PTPRT: variants seen among roughly 807,000 people sequenced by gnomAD.
PTPRT encodes protein tyrosine phosphatase receptor type T.
PTPRT carries 56 observed loss-of-function variants against 176.8 expected under a neutral mutation model. The observed-to-expected ratio is 0.32, with a 90% CI of 0.26 to 0.40. PTPRT has a LOEUF of 0.40. Among genes scored for constraint, PTPRT ranks in the 10% least tolerant of loss-of-function variants. The pLI, the probability that PTPRT is intolerant of heterozygous loss-of-function variation, is 1.00. For synonymous variants in PTPRT, 783 were observed against 739.0 expected (o/e 1.06, Z -0.96); for missense variants, 1,540 against 1,908.2 (o/e 0.81, Z 3.60).
intron 1 of PTPRT, among the ~76,000 whole-genome samples, chr20:43,048,274 G>T (rs1380294586): frequency 6.6e-6 from 1 of 152,150 alleles, no homozygotes; most frequent in Non-Finnish European, 1.5e-5. Flanking sequence ...GCAGATATAT[G>T]GAAGAGGCTG....
At chr20:42,239,929 G>C (rs1056228797) in intron 14 of PTPRT, among the ~76,000 whole-genome samples, 1 of 152,182 alleles carries the variant, frequency 6.6e-6, no homozygotes, top group African/African-American at 2.4e-5. Flanking sequence ...CTAGGTCAAA[G>C]GCTTTGTGTA....
intron 1 of PTPRT, among the ~76,000 whole-genome samples, chr20:43,075,264 C>T (rs2011245376): frequency 6.6e-6 from 1 of 152,244 alleles, no homozygotes; most frequent in Admixed American, 6.5e-5. Context: ...TAGAAGGTAG[C>T]GTTGCATGGC....
chr20:42,183,712 A>G (rs1735693747), intron 16 of PTPRT, among the ~76,000 whole-genome samples: 2 of 152,128 alleles, frequency 1.3e-5, no homozygotes, highest in African/African-American at 4.8e-5. Flanking sequence ...TCCTATATGC[A>G]TATGCCATTT....
chr20:42,671,666 A>G (rs1206274409), intron 7 of PTPRT, among the ~76,000 whole-genome samples: 2 of 152,218 alleles, frequency 1.3e-5, no homozygotes, highest in African/African-American at 4.8e-5. Flanking sequence ...AATAGCAGCA[A>G]CCAATAACAC....
intron 1 of PTPRT, among the ~76,000 whole-genome samples, chr20:43,035,165 T>A (rs943960749): frequency 2.6e-5 from 4 of 151,998 alleles, no homozygotes; most frequent in African/African-American, 7.2e-5. Context: ...CCCCAGCCCC[T>A]CAGCAGTCCA....
At chr20:42,157,633 A>C (rs1049960351) in intron 17 of PTPRT, among the ~76,000 whole-genome samples, 1 of 150,202 alleles carries the variant, frequency 6.7e-6, no homozygotes, top group Non-Finnish European at 1.5e-5. Flanking sequence ...TTCCCCCCCC[A>C]ATATTTCTTG....
At chr20:42,510,883 C>T (rs949177100) in intron 7 of PTPRT, among the ~76,000 whole-genome samples, 2 of 152,146 alleles carry the variant, frequency 1.3e-5, no homozygotes, top group Non-Finnish European at 2.9e-5. Context: ...GTTTGAATGG[C>T]CCCTCCAAAA....
rs375365401 is a variant in PTPRT, at chr20:42,897,692, A to G, written c.89-11760T>C. Reference sequence around the variant, plus strand: ...ACAGAACAAGGTAGCAGTTAAAGCTATGAACTCCAGAGCCAGCATCTAAGC... The same window carrying G: ...ACAGAACAAGGTAGCAGTTAAAGCTGTGAACTCCAGAGCCAGCATCTAAGC... On this transcript the variant is annotated intron_variant, in intron 1 of 30. Coordinates refer to ENST00000373187, the MANE Select transcript of PTPRT (RefSeq NM_007050.6). Among the ~76,000 whole-genome samples, 18 of 152,302 alleles carry G rather than the reference A, an allele frequency of 1.2e-4. 1 individual carries two copies. In the East Asian group the frequency reaches 1.9e-3, roughly 16 times the overall value.
chr20:42,330,154 T>G (rs1400744647), intron 11 of PTPRT, among the ~76,000 whole-genome samples: 1 of 152,188 alleles, frequency 6.6e-6, no homozygotes, highest in Admixed American at 6.5e-5. Context: ...AATCCAGTAA[T>G]GTATAAAAGA....
chr20:42,236,326 C>T, intron 14 of PTPRT, 68 bp from the exon 15 acceptor site: 2 of 1,279,008 alleles, frequency 1.6e-6, no homozygotes, highest in Non-Finnish European at 2.3e-6. Context: ...GACAAACAAA[C>T]AAGAATTAGA....
intron 7 of PTPRT, among the ~76,000 whole-genome samples, chr20:42,482,491 A>G (rs1285610620): frequency 6.6e-6 from 1 of 152,220 alleles, no homozygotes; most frequent in Admixed American, 6.5e-5. Context: ...AGTTTCTACC[A>G]TGTGCTGAGA....
chr20:42,320,365 T>A (rs116604484), intron 11 of PTPRT, among the ~76,000 whole-genome samples: 2,273 of 152,264 alleles, frequency 0.015, 52 homozygotes, highest in African/African-American at 0.052. Context: ...CAGGGACCTA[T>A]CAGAGCCTCC....
chr20:42,288,914 T>C (rs1417171869), intron 12 of PTPRT, among the ~76,000 whole-genome samples: 1 of 152,004 alleles, frequency 6.6e-6, no homozygotes, highest in African/African-American at 2.4e-5. Context: ...ATGGTGGTTA[T>C]GTTTTTAGTT....
chr20:42,745,844 T>C (rs908833224), intron 6 of PTPRT, among the ~76,000 whole-genome samples: 3 of 152,194 alleles, frequency 2.0e-5, no homozygotes, highest in African/African-American at 7.2e-5. Context: ...TGAGACTGGG[T>C]AATCAGACTT....
chr20:43,025,296 A>C (rs754599831), intron 1 of PTPRT, among the ~76,000 whole-genome samples: 1 of 152,258 alleles, frequency 6.6e-6, no homozygotes, highest in African/African-American at 2.4e-5. Context: ...CCTAATGACT[A>C]TGTGAAGGCA....
chr20:42,810,577 G>T (rs1181316689), intron 2 of PTPRT, among the ~76,000 whole-genome samples: 8 of 152,218 alleles, frequency 5.3e-5, no homozygotes, highest in Non-Finnish European at 1.0e-4. Context: ...GCAGTACGCA[G>T]TTCTGAAGCT....
rs562416490 is a variant in PTPRT, at chr20:42,362,104, T to A, written c.1561-9819A>T. 5.3e-5 allele frequency among the ~76,000 whole-genome samples: 8 copies of A among 151,978 alleles called. No individual in the cohort carries two copies. In the South Asian group the frequency reaches 1.2e-3, roughly 24 times the overall value. On this transcript the variant is annotated intron_variant, in intron 9 of 30. Transcript: ENST00000373187. ...AGCCAGACTCCATCTCCACAAAAAA[T>A]TTTTTTTAAAAAATAGCCAGGCATG...
At chr20:42,430,678 G>A (rs1267458573) in intron 9 of PTPRT, among the ~76,000 whole-genome samples, 1 of 152,194 alleles carries the variant, frequency 6.6e-6, no homozygotes, top group Non-Finnish European at 1.5e-5. Flanking sequence ...TGGGGACCAG[G>A]CAATCTACTT....
intron 1 of PTPRT, among the ~76,000 whole-genome samples, chr20:43,187,794 C>T (rs543672749): frequency 2.0e-5 from 3 of 152,322 alleles, no homozygotes; most frequent in Admixed American, 2.0e-4. Context: ...GGTGCTCGCT[C>T]CTCACACTTC....
Sources: gnomAD v4.1 joint callset for allele counts (sites outside exome capture counted in the v4.1 genomes callset) on GRCh38, gnomAD v4.1.1 for gene constraint, MANE v1.5 for transcripts, NCBI Gene and HGNC (gene_info 2026-07-23, HGNC 2026-07-21) for gene names.